Variants in NAA15 observed in about 807,000 individuals in gnomAD.
NAA15 encodes the protein N-terminal acetyltransferase.
In NAA15, 34 loss-of-function variants were observed where a neutral mutation model predicts 114.0. That is an observed-to-expected ratio of 0.30 (90% CI 0.23 to 0.40). NAA15 has a LOEUF of 0.40. NAA15 is among the 10% of genes least tolerant of loss of function. The probability of loss-of-function intolerance (pLI) is 1.00; values close to 1 mark genes in which losing one functional copy is unlikely to be tolerated. For synonymous variants in NAA15, 340 were observed against 338.0 expected (o/e 1.01, Z -0.06); for missense variants, 658 against 1,004.5 (o/e 0.66, Z 4.66).
chr4:139,334,149 A>T, intron 1 of NAA15, 25 bp from the exon 2 acceptor site: 1 of 1,495,970 alleles, frequency 6.7e-7, no homozygotes, highest in Non-Finnish European at 9.2e-7. Context: ...TGCTAAACTT[A>T]AATTTTTCTT....
intron 4 of NAA15, among the ~76,000 whole-genome samples, chr4:139,341,646 A>G (rs1023807212): frequency 1.3e-5 from 2 of 151,108 alleles, no homozygotes; most frequent in South Asian, 4.2e-4. Context: ...CAAATAAACA[A>G]TGCCTTTGTC....
At chr4:139,315,327 C>T (rs1450736) in intron 1 of NAA15, among the ~76,000 whole-genome samples, 1 of 151,798 alleles carries the variant, frequency 6.6e-6, no homozygotes, top group Non-Finnish European at 1.5e-5. Flanking sequence ...CCAGGCCAGC[C>T]TGGGCAATAT....
intron 1 of NAA15, among the ~76,000 whole-genome samples, chr4:139,322,495 A>T (rs895815071): frequency 1.3e-5 from 2 of 152,158 alleles, no homozygotes; most frequent in Non-Finnish European, 2.9e-5. Flanking sequence ...CTAAGGTGTG[A>T]GCTTTCTGGA....
Position 139,342,873 on chromosome 4 carries a change from A to G in NAA15, c.450A>G (p.Ser150=), listed in dbSNP as rs1165842750. The change falls in exon 5 of 20, where the codon TCA becomes TCG. Residue 150 remains serine, a synonymous_variant. Transcript: ENST00000296543. Reference sequence around the variant, plus strand: ...AGCTTCGACCTGCGCAGAGAGCATCATGGATTGGTTATGCTATTGCTTACC... The same window carrying G: ...AGCTTCGACCTGCGCAGAGAGCATCGTGGATTGGTTATGCTATTGCTTACC... ...LLQLRPAQRA[S]WIGYAIAYHL... The G allele has an allele frequency of 4.3e-6, 7 of 1,613,768 alleles. No homozygotes were observed. The Admixed American group carries it at 6.7e-5, about 15-fold the overall frequency.
chr4:139,308,802 G>T (rs2110828126), intron 1 of NAA15, among the ~76,000 whole-genome samples: 1 of 152,056 alleles, frequency 6.6e-6, no homozygotes, highest in African/African-American at 2.4e-5. Context: ...TTTTAGTACA[G>T]ACAGGGTTTC....
At chr4:139,370,619 A>G (rs982277563) in intron 15 of NAA15, among the ~76,000 whole-genome samples, 4 of 152,158 alleles carry the variant, frequency 2.6e-5, no homozygotes, top group African/African-American at 9.7e-5. Flanking sequence ...AAAGTCATAT[A>G]GTATAGTATG....
chr4:139,342,426 G>A (rs892666701), intron 4 of NAA15, among the ~76,000 whole-genome samples: 6 of 149,008 alleles, frequency 4.0e-5, no homozygotes, highest in African/African-American at 1.5e-4. Context: ...TTCTATTATT[G>A]TTCCCATCAT....
chr4:139,318,917 T>C (rs1746507290), intron 1 of NAA15, among the ~76,000 whole-genome samples: 1 of 151,928 alleles, frequency 6.6e-6, no homozygotes, highest in Non-Finnish European at 1.5e-5. Flanking sequence ...TTAGCTTGAA[T>C]AAAAGAAAAC....
intron 14 of NAA15, among the ~76,000 whole-genome samples, chr4:139,362,749 A>G (rs1748170801): frequency 6.6e-6 from 1 of 152,214 alleles, no homozygotes; most frequent in Non-Finnish European, 1.5e-5. Context: ...GGGTATCGGA[A>G]TGACTAGGGA....
At chr4:139,371,332 A>G (rs1353055310) in intron 15 of NAA15, among the ~76,000 whole-genome samples, 4 of 152,040 alleles carry the variant, frequency 2.6e-5, no homozygotes, top group Admixed American at 6.6e-5. Context: ...CCATGTGCCT[A>G]TAGTTCCAAC....
intron 1 of NAA15, among the ~76,000 whole-genome samples, chr4:139,318,674 C>T (rs1268533719): frequency 1.3e-5 from 2 of 151,934 alleles, no homozygotes; most frequent in South Asian, 2.1e-4. Flanking sequence ...GCCAACACAG[C>T]GAAACTCCGT....
chr4:139,351,377 TA>T, intron 8 of NAA15, 91 bp downstream of exon 8: 3 of 1,065,594 alleles, frequency 2.8e-6, no homozygotes, highest in Non-Finnish European at 4.3e-6. Context: ...ATATTAAGTT[TA>T]AGCTATACAT....
intron 1 of NAA15, among the ~76,000 whole-genome samples, chr4:139,315,001 T>TTCAGTTCAGGTCAGGTTAGG (rs1181192026): frequency 1.3e-5 from 1 of 74,356 alleles, no homozygotes; most frequent in Non-Finnish European, 2.5e-5. Flanking sequence ...TTCAGTTCAG[T>TTCAGTTCAGGTCAGGTTAGG]TTAGTTTAGG....
In NAA15 at chr4:139,384,640, A is replaced by C. The variant is rs1748844709; in HGVS notation, c.2156-192A>C. ...TGTGGTGGTGCACACCTGAAGTCCC[A>C]GCTACCTGGGGGGCTGAAGTGGGAG... On this transcript the variant is annotated intron_variant, in intron 17 of 19. Coordinates refer to ENST00000296543, the MANE Select transcript of NAA15 (RefSeq NM_057175.5). Among the ~76,000 whole-genome samples the C allele has an allele frequency of 2.6e-5, 4 of 152,216 alleles. No individual in the cohort carries two copies. In the South Asian group the frequency reaches 8.3e-4, roughly 32 times the overall value.
rs557619942 is a variant in NAA15 at position 139,328,845 on chromosome 4, C to T, written c.55-5329C>T. On this transcript the variant is annotated intron_variant, in intron 1 of 19. Coordinates refer to ENST00000296543, the MANE Select transcript of NAA15 (RefSeq NM_057175.5). ...CCTCCCAGCGTGTTGGGATTGCAGG[C>T]GTGAGCCACTGTGCCCGGCCTTCTT... 1.5e-4 allele frequency among the ~76,000 whole-genome samples: 23 copies of T among 151,118 alleles called. No homozygotes were observed. The South Asian group carries it at 4.6e-3, about 30-fold the overall frequency.
intron 1 of NAA15, among the ~76,000 whole-genome samples, chr4:139,320,623 C>T (rs140646766): frequency 1.2e-3 from 189 of 152,236 alleles, no homozygotes; most frequent in African/African-American, 3.8e-3. Flanking sequence ...TGGGTTCAAG[C>T]GATTCTCCTG....
intron 1 of NAA15, among the ~76,000 whole-genome samples, chr4:139,304,929 A>G (rs1745959379): frequency 6.6e-6 from 1 of 152,046 alleles, no homozygotes; most frequent in South Asian, 2.1e-4. Context: ...GGGTTTAGAG[A>G]TAGAGTCTTC....
At chr4:139,366,715 C>A (rs1422180009) in intron 14 of NAA15, among the ~76,000 whole-genome samples, 1 of 151,676 alleles carries the variant, frequency 6.6e-6, no homozygotes, top group Non-Finnish European at 1.5e-5. Flanking sequence ...CTCAGCCAGT[C>A]CCCCAACCTC....
At chr4:139,310,174 G>T (rs1422202402) in intron 1 of NAA15, among the ~76,000 whole-genome samples, 1 of 152,146 alleles carries the variant, frequency 6.6e-6, no homozygotes, top group Admixed American at 6.5e-5. Context: ...ACATTTTTGG[G>T]CCGGGCGCGG....
Sources: allele counts gnomAD v4.1 joint callset (sites outside exome capture counted in the v4.1 genomes callset), GRCh38; gene constraint gnomAD v4.1.1; transcripts MANE v1.5; gene names NCBI Gene and HGNC (gene_info 2026-07-23, HGNC 2026-07-21).